CEP128: variants seen among roughly 807,000 people sequenced by gnomAD.
The protein encoded by CEP128 is centrosomal protein 128.
A neutral mutation model predicts 156.7 loss-of-function variants in CEP128; 132 were observed. The observed-to-expected ratio is 0.84, with a 90% CI of 0.73 to 0.97. The LOEUF is 0.97. Ranked by LOEUF, CEP128 falls within the 50% of genes least tolerant of loss-of-function variation. The pLI, the probability that CEP128 is intolerant of heterozygous loss-of-function variation, is 0.00. For synonymous variants in CEP128, 469 were observed against 448.9 expected, an observed-to-expected ratio of 1.04 and a Z score of -0.57; for missense variants, 1,252 against 1,281.9, an observed-to-expected ratio of 0.98 and a Z score of 0.36.
intron 22 of CEP128, among the ~76,000 whole-genome samples, chr14:80,529,783 A>G (rs1325134088): frequency 1.3e-5 from 2 of 152,240 alleles, no homozygotes; most frequent in Non-Finnish European, 1.5e-5. Context: ...ATATATAATC[A>G]AATCAAACAC....
At chr14:80,490,741 T>C (rs1288516722) in intron 6 of CEP128, 2 of 152,176 alleles carry the variant, frequency 1.3e-5, no homozygotes, top group Non-Finnish European at 1.5e-5. Context: ...ACACATGATA[T>C]TGGAAACCAA....
chr14:80,792,258 A>G (rs145388088), intron 14 of CEP128, among the ~76,000 whole-genome samples: 1 of 152,358 alleles, frequency 6.6e-6, no homozygotes, highest in East Asian at 1.9e-4. Flanking sequence ...TCAGTCAGTG[A>G]GATCCTCAGT....
At chr14:80,729,056 G>GTGTGTGT (rs1898133887) in intron 19 of CEP128, among the ~76,000 whole-genome samples, 3 of 88,180 alleles carry the variant, frequency 3.4e-5, no homozygotes, top group South Asian at 3.9e-4. Context: ...TGGGCTGGTG[G>GTGTGTGT]GGGTGTGTGT....
chr14:80,951,469 G>C (rs1250071200), intron 2 of CEP128, among the ~76,000 whole-genome samples: 1 of 152,058 alleles, frequency 6.6e-6, no homozygotes, highest in Non-Finnish European at 1.5e-5. Context: ...TAACTTAAAC[G>C]TACATGCTAT....
rs185970016 is a variant in CEP128 at position 80,715,587 on chromosome 14, A to G, written c.2806+27488T>C. Among the ~76,000 whole-genome samples the G allele has an allele frequency of 3.9e-3, 601 of 152,322 alleles. 4 individuals are homozygous for G. Among genetic ancestry groups the G allele is most frequent in the Non-Finnish European group, 7.0e-3 (476 of 68,032 alleles). On this transcript the variant is annotated intron_variant, in intron 19 of 24. Coordinates refer to ENST00000555265, the MANE Select transcript of CEP128 (RefSeq NM_152446.5). ...TGACACGGAAGCCAAGAAAGATGAG[A>G]AGGAAAAAAAGCATTTCAAACAGAA...
intron 13 of CEP128, among the ~76,000 whole-genome samples, chr14:80,816,478 A>G (rs753316698): frequency 2.8e-4 from 42 of 152,152 alleles, no homozygotes; most frequent in Non-Finnish European, 5.3e-4. Flanking sequence ...CAAACAGTGA[A>G]TGTTCTACAA....
At chr14:80,725,160 T>G (rs1442389022) in intron 19 of CEP128, among the ~76,000 whole-genome samples, 1 of 150,694 alleles carries the variant, frequency 6.6e-6, no homozygotes, top group Non-Finnish European at 1.5e-5. Flanking sequence ...TTAGGTTTAC[T>G]CTTTGTCATT....
chr14:80,895,666 TA>T, intron 8 of CEP128, 51 bp downstream of exon 8: 1 of 1,281,412 alleles, frequency 7.8e-7, no homozygotes, highest in Non-Finnish European at 1.1e-6. Context: ...ATGACCAGCC[TA>T]CCCATCCTCT....
At chr14:80,924,613 T>C (rs1045291874) in intron 2 of CEP128, among the ~76,000 whole-genome samples, 5 of 152,042 alleles carry the variant, frequency 3.3e-5, no homozygotes, top group Admixed American at 3.3e-4. Flanking sequence ...GACAAGGAAA[T>C]AGGATCCACT....
chr14:80,643,849 TA>T (rs1342263423), intron 19 of CEP128, among the ~76,000 whole-genome samples: 3 of 152,066 alleles, frequency 2.0e-5, no homozygotes, highest in Non-Finnish European at 4.4e-5. Flanking sequence ...TCACACTAAG[TA>T]AAAACAGTGA....
chr14:80,891,322 GAATA>G (rs1206045417), intron 8 of CEP128, among the ~76,000 whole-genome samples: 3 of 151,818 alleles, frequency 2.0e-5, no homozygotes, highest in Non-Finnish European at 4.4e-5. Context: ...ATTGACAGAA[GAATA>G]AATAAAGAAA....
chr14:80,889,221 T>C (rs1273055511), intron 8 of CEP128, among the ~76,000 whole-genome samples: 1 of 152,234 alleles, frequency 6.6e-6, no homozygotes. Context: ...AATTTATAGA[T>C]TCAATGCTAT....
intron 19 of CEP128, among the ~76,000 whole-genome samples, chr14:80,655,382 A>C (rs573544208): frequency 2.6e-5 from 4 of 152,328 alleles, no homozygotes; most frequent in Admixed American, 2.6e-4. Context: ...AATGTGCAGA[A>C]TCCTTAGCTA....
chr14:80,814,446 C>T (rs1261688776), intron 13 of CEP128, among the ~76,000 whole-genome samples: 1 of 151,424 alleles, frequency 6.6e-6, no homozygotes, highest in Non-Finnish European at 1.5e-5. Flanking sequence ...AAGAGCTCAC[C>T]AGATCCTCTT....
intron 19 of CEP128, among the ~76,000 whole-genome samples, chr14:80,638,574 T>G (rs1894285364): frequency 6.6e-6 from 1 of 152,230 alleles, no homozygotes; most frequent in South Asian, 2.1e-4. Flanking sequence ...TTTCTTACCG[T>G]ACTGTATTCT....
intron 19 of CEP128, among the ~76,000 whole-genome samples, chr14:80,667,149 T>C (rs1895649368): frequency 6.6e-6 from 1 of 152,110 alleles, no homozygotes; most frequent in African/African-American, 2.4e-5. Flanking sequence ...AAAATGCTCA[T>C]TCCAGTAGAG....
At chr14:80,903,705 A>G (rs1042695684) in intron 6 of CEP128, among the ~76,000 whole-genome samples, 1 of 152,176 alleles carries the variant, frequency 6.6e-6, no homozygotes, top group Non-Finnish European at 1.5e-5. Flanking sequence ...ACATTTCTCA[A>G]AAGAAGACAT....
intron 19 of CEP128, among the ~76,000 whole-genome samples, chr14:80,716,680 C>G (rs1897618525): frequency 6.6e-6 from 1 of 152,186 alleles, no homozygotes; most frequent in Non-Finnish European, 1.5e-5. Context: ...ATCCTTAAGG[C>G]TGTTGTAAAC....
chr14:80,793,591 T>C (rs1259694446), intron 13 of CEP128, among the ~76,000 whole-genome samples: 2 of 152,186 alleles, frequency 1.3e-5, no homozygotes, highest in Non-Finnish European at 2.9e-5. Context: ...AACATCAGCA[T>C]AGATAACATA....
Sources: allele counts gnomAD v4.1 joint callset (sites outside exome capture counted in the v4.1 genomes callset), GRCh38; gene constraint gnomAD v4.1.1; transcripts MANE v1.5; gene names NCBI Gene and HGNC (gene_info 2026-07-23, HGNC 2026-07-21).